Variants in STX2 observed in about 807,000 individuals in gnomAD.
STX2 encodes syntaxin 2.
STX2 carries 27 observed loss-of-function variants against 40.6 expected under a neutral mutation model. The ratio of observed to expected loss-of-function variants is 0.66; its 90% confidence interval spans 0.49 to 0.92. STX2 has a LOEUF of 0.92. Ranked by LOEUF, STX2 falls within the 40% of genes least tolerant of loss-of-function variation. STX2 has a pLI of 0.00. For synonymous variants in STX2, 123 were observed against 119.1 expected (o/e 1.03, Z -0.22); for missense variants, 328 against 366.1 (o/e 0.90, Z 0.85).
chr12:130,815,069 T>C, intron 3 of STX2, among the ~76,000 whole-genome samples: 1 of 152,070 alleles, frequency 6.6e-6, no homozygotes, highest in South Asian at 2.1e-4. Context: ...GCCATCTCTA[T>C]TTAAAAAAGG....
intron 4 of STX2, chr12:130,811,042 T>C (rs1365634795): frequency 6.6e-6 from 1 of 152,186 alleles, no homozygotes; most frequent in Non-Finnish European, 1.5e-5. Flanking sequence ...AAGGTTTCTT[T>C]TTAACTATTC....
chr12:130,812,522 A>T, intron 4 of STX2: 1 of 297,650 alleles, frequency 3.4e-6, no homozygotes, highest in South Asian at 2.8e-5. Context: ...ATCAAATACA[A>T]CATGTTTTCT....
chr12:130,808,777 TTTTA>T, intron 4 of STX2, 73 bp from the exon 5 acceptor site: 1 of 1,267,258 alleles, frequency 7.9e-7, no homozygotes, highest in South Asian at 1.3e-5. Flanking sequence ...TTCAAATTCC[TTTTA>T]TTTCTTATCT....
intron 10 of STX2, among the ~76,000 whole-genome samples, chr12:130,792,586 C>A (rs1950909637): frequency 6.6e-6 from 1 of 152,160 alleles, no homozygotes; most frequent in Admixed American, 6.5e-5. Context: ...ACCTCAGTGT[C>A]CCAAGGAGCT....
chr12:130,805,126 T>C (rs1356370131), intron 6 of STX2, among the ~76,000 whole-genome samples: 5 of 152,314 alleles, frequency 3.3e-5, no homozygotes, highest in African/African-American at 9.6e-5. Context: ...TAAAAAGTAC[T>C]AACAGATCCC....
intron 4 of STX2, among the ~76,000 whole-genome samples, chr12:130,809,087 G>A (rs905134968): frequency 2.0e-5 from 3 of 152,224 alleles, no homozygotes; most frequent in Middle Eastern, 3.4e-3. Flanking sequence ...GGCTGGTCTC[G>A]AACTCATGAG....
chr12:130,832,365 G>A (rs538929424), intron 1 of STX2, among the ~76,000 whole-genome samples: 2 of 152,014 alleles, frequency 1.3e-5, no homozygotes, highest in African/African-American at 4.8e-5. Flanking sequence ...ACAATATAAC[G>A]AACCACAGTT....
intron 3 of STX2, among the ~76,000 whole-genome samples, chr12:130,815,729 C>T (rs111912494): frequency 1.0e-3 from 158 of 152,314 alleles, no homozygotes; most frequent in Non-Finnish European, 2.0e-3. Flanking sequence ...GCAGCCTTGG[C>T]TGTGACAGTC....
intron 7 of STX2, 46 bp downstream of exon 7, chr12:130,801,369 G>T (rs893115956): frequency 6.3e-7 from 1 of 1,595,830 alleles, no homozygotes; most frequent in Non-Finnish European, 8.5e-7. Flanking sequence ...AAAAAGCTCT[G>T]TCTACAGAAG....
At chr12:130,831,536 C>T (rs1952557217) in intron 1 of STX2, among the ~76,000 whole-genome samples, 1 of 152,042 alleles carries the variant, frequency 6.6e-6, no homozygotes, top group Non-Finnish European at 1.5e-5. Context: ...GGCGTGGTGG[C>T]TCACACTTGT....
At chr12:130,813,622 CA>C (rs1301600726) in intron 3 of STX2, among the ~76,000 whole-genome samples, 2 of 152,150 alleles carry the variant, frequency 1.3e-5, no homozygotes, top group Non-Finnish European at 2.9e-5. Context: ...GGAGGGAGGC[CA>C]GCAGAGCAGG....
In STX2 at chr12:130,822,769, G is replaced by A. The variant is rs145271034; in HGVS notation, c.106-981C>T. 3.3e-5 allele frequency among the ~76,000 whole-genome samples: 5 copies of A among 152,318 alleles called. No individual in the cohort carries two copies. In the East Asian group the frequency reaches 9.6e-4, roughly 29 times the overall value. ...GTTTGGTCCTCATTAACCCATTTAT[G>A]CCAGAGGCTGCAATGTGTGTGTGTG... On this transcript the variant is annotated intron_variant, in intron 2 of 10. Coordinates refer to ENST00000392373, the MANE Select transcript of STX2 (RefSeq NM_194356.4).
chr12:130,801,469 G>A lies in STX2; in HGVS notation c.483C>T (p.Asp161=), dbSNP rs777421424. 1.1e-4 allele frequency: 177 copies of A among 1,605,962 alleles called. No homozygotes were observed. In the East Asian group the frequency reaches 3.3e-3, roughly 30 times the overall value. Reference sequence around the variant, plus strand: ...TCTCCAGCATCTCTTCTAGCTCGTCGTCTGTGGTGGTTCTCCCAGCTGAAA... The same window carrying A: ...TCTCCAGCATCTCTTCTAGCTCGTCATCTGTGGTGGTTCTCCCAGCTGAAA... The part of the protein sequence containing the change: ...QLEITGRTTT[D]DELEEMLESG... Residue 161 remains aspartate, a synonymous_variant, in exon 7 of 11, where the codon GAC becomes GAT. Coordinates refer to ENST00000392373, the MANE Select transcript of STX2 (RefSeq NM_194356.4).
intron 10 of STX2, among the ~76,000 whole-genome samples, chr12:130,795,177 G>A (rs1283764930): frequency 1.3e-5 from 2 of 152,144 alleles, no homozygotes; most frequent in Non-Finnish European, 2.9e-5. Flanking sequence ...TAATATTAAA[G>A]GAAATATTTT....
chr12:130,826,348 G>C (rs906653703), intron 2 of STX2, among the ~76,000 whole-genome samples: 2 of 152,192 alleles, frequency 1.3e-5, no homozygotes, highest in African/African-American at 2.4e-5. Flanking sequence ...CAGTCTTGCA[G>C]GAAGGCCTTT....
chr12:130,789,960 G>A lies in STX2; in HGVS notation c.*2063C>T, dbSNP rs1473881428. 1 of 152,160 alleles carries A rather than the reference G, an allele frequency of 6.6e-6. No individual in the cohort carries two copies. Among genetic ancestry groups the A allele is most frequent in the Admixed American group, 6.5e-5 (1 of 15,276 alleles). 9.4% of individuals were successfully genotyped at this position (152,160 alleles called of 1,614,324 possible). The stretch of plus-strand genomic sequence containing the variant: ...AAATACCATAATAAGTGTTGTAAAA[G>A]GGGAGGACTCATATGACAGACCTTG... On this transcript the variant is annotated 3_prime_UTR_variant, in exon 11 of 11. Coordinates refer to ENST00000392373, the MANE Select transcript of STX2 (RefSeq NM_194356.4).
intron 3 of STX2, among the ~76,000 whole-genome samples, chr12:130,813,385 A>G (rs1421605800): frequency 1.3e-5 from 2 of 152,236 alleles, no homozygotes; most frequent in Non-Finnish European, 2.9e-5. Flanking sequence ...GCCTAAATCC[A>G]CTGCTAACAC....
At chr12:130,803,365 A>G (rs748691699) in intron 6 of STX2, among the ~76,000 whole-genome samples, 1 of 152,212 alleles carries the variant, frequency 6.6e-6, no homozygotes, top group Non-Finnish European at 1.5e-5. Context: ...TTAAAAATCT[A>G]TTCAAAATAG....
At chr12:130,800,124 A>C (rs998926838) in intron 8 of STX2, among the ~76,000 whole-genome samples, 5 of 152,170 alleles carry the variant, frequency 3.3e-5, no homozygotes, top group Non-Finnish European at 7.3e-5. Flanking sequence ...GCTGAATCCT[A>C]ACCAGCAACA....
Sources: allele counts gnomAD v4.1 joint callset (sites outside exome capture counted in the v4.1 genomes callset), GRCh38; gene constraint gnomAD v4.1.1; transcripts MANE v1.5; gene names NCBI Gene and HGNC (gene_info 2026-07-23, HGNC 2026-07-21).